The following BCKDHB variants were observed in gnomAD, a reference collection of about 807,000 sequenced individuals.
BCKDHB encodes the protein branched chain keto acid dehydrogenase E1 subunit beta.
In BCKDHB, 41 loss-of-function variants were observed where a neutral mutation model predicts 48.5. That is an observed-to-expected ratio of 0.85 (90% CI 0.66 to 1.10). BCKDHB has a LOEUF of 1.10. Ranked by LOEUF, BCKDHB falls within the 50% of genes least tolerant of loss-of-function variation. BCKDHB has a pLI of 0.00. For synonymous variants in BCKDHB, 201 were observed against 174.8 expected (o/e 1.15, Z -1.18); for missense variants, 496 against 494.2 (o/e 1.00, Z -0.03).
At chr6:80,401,028 A>G in the BCKDHB span, among the ~76,000 whole-genome samples, 1 of 147,130 alleles carries the variant, frequency 6.8e-6, no homozygotes, top group African/African-American at 2.7e-5. Flanking sequence ...ACATATAGAC[A>G]CAAAAAGGGA....
At chr6:80,261,807 CCTG>C (rs996478232) in intron 8 of BCKDHB, among the ~76,000 whole-genome samples, 11 of 152,098 alleles carry the variant, frequency 7.2e-5, no homozygotes, top group Admixed American at 6.6e-4. Context: ...TTCTTAGAGA[CCTG>C]CTTTTCTTTT....
the BCKDHB span, among the ~76,000 whole-genome samples, chr6:80,451,502 C>T: frequency 2.0e-5 from 3 of 152,196 alleles, no homozygotes; most frequent in Admixed American, 2.0e-4. Flanking sequence ...CTTTGGGAGG[C>T]CTAGGCGGGT....
At chr6:80,382,506 T>G in the BCKDHB span, among the ~76,000 whole-genome samples, 59 of 152,308 alleles carry the variant, frequency 3.9e-4, 1 homozygote, top group South Asian at 0.011. Context: ...ATCAGTTAGA[T>G]GTTCATTCCT....
At chr6:80,275,534 AT>A (rs1430186047) in intron 9 of BCKDHB, among the ~76,000 whole-genome samples, 1 of 152,048 alleles carries the variant, frequency 6.6e-6, no homozygotes, top group African/African-American at 2.4e-5. Context: ...TTTTTGCTTA[AT>A]TCAGATTTTA....
At chr6:80,225,836 A>C (rs1027030549) in intron 8 of BCKDHB, among the ~76,000 whole-genome samples, 1 of 152,314 alleles carries the variant, frequency 6.6e-6, no homozygotes, top group Non-Finnish European at 1.5e-5. Flanking sequence ...GTGCAATACA[A>C]CTAGATTGTT....
chr6:80,392,512 A>G, the BCKDHB span, among the ~76,000 whole-genome samples: 4 of 151,682 alleles, frequency 2.6e-5, no homozygotes, highest in Non-Finnish European at 5.9e-5. Context: ...TTTGTCCTCA[A>G]TAATATTGTT....
At chr6:80,436,437 A>C in the BCKDHB span, among the ~76,000 whole-genome samples, 2 of 151,816 alleles carry the variant, frequency 1.3e-5, no homozygotes, top group South Asian at 4.2e-4. Flanking sequence ...GCCCGGCCAA[A>C]ATTCTTATTT....
chr6:80,271,356 A>G (rs1276247929), intron 8 of BCKDHB, among the ~76,000 whole-genome samples: 1 of 152,142 alleles, frequency 6.6e-6, no homozygotes, highest in Non-Finnish European at 1.5e-5. Flanking sequence ...GAAGGGCTCC[A>G]AATTTTATCT....
chr6:80,273,336 T>C lies in BCKDHB; in HGVS notation c.1038+115T>C, dbSNP rs1777835194. 27 of 902,294 alleles carry C rather than the reference T, an allele frequency of 3.0e-5. 1 individual carries two copies. In the South Asian group the frequency reaches 3.8e-4, roughly 13 times the overall value. 55.9% of individuals were successfully genotyped at this position (902,294 alleles called of 1,614,324 possible). ...AAGCATACACTTTATGGAAATGTAG[T>C]GCATGCTTTCATATACTGTGATAAG... is the stretch of plus-strand genomic sequence containing the variant. On this transcript the variant is annotated intron_variant, in intron 9 of 9. Transcript: ENST00000320393.
chr6:80,451,594 C>T, the BCKDHB span, among the ~76,000 whole-genome samples: 3 of 151,970 alleles, frequency 2.0e-5, no homozygotes, highest in African/African-American at 7.2e-5. Context: ...AAAAATTAGT[C>T]GGGCATGGTG....
At chr6:80,290,966 C>G (rs1766878946) in intron 9 of BCKDHB, among the ~76,000 whole-genome samples, 2 of 152,126 alleles carry the variant, frequency 1.3e-5, no homozygotes, top group South Asian at 4.1e-4. Context: ...TCAGGATGAC[C>G]TGAGGTCACT....
chr6:80,360,603 A>T, the BCKDHB span, among the ~76,000 whole-genome samples: 1 of 152,206 alleles, frequency 6.6e-6, no homozygotes, highest in Non-Finnish European at 1.5e-5. Flanking sequence ...ATTAGAAGAA[A>T]TCGACTGGTA....
chr6:80,148,258 AG>A (rs1771582797), intron 3 of BCKDHB, among the ~76,000 whole-genome samples: 1 of 152,176 alleles, frequency 6.6e-6, no homozygotes, highest in South Asian at 2.1e-4. Context: ...TTTGCTTAAA[AG>A]TGGTCCTGAC....
intron 8 of BCKDHB, among the ~76,000 whole-genome samples, chr6:80,242,199 C>G (rs1030875121): frequency 3.3e-5 from 5 of 152,084 alleles, no homozygotes; most frequent in Non-Finnish European, 7.4e-5. Flanking sequence ...ACTTAGGTCT[C>G]TAGTCACCTT....
intron 9 of BCKDHB, among the ~76,000 whole-genome samples, chr6:80,288,050 C>G (rs985578609): frequency 4.6e-5 from 7 of 152,080 alleles, no homozygotes; most frequent in African/African-American, 1.7e-4. Flanking sequence ...AAATAATCCT[C>G]AGTAGTTCGA....
chr6:80,173,374 T>A (rs1773006354), intron 6 of BCKDHB, among the ~76,000 whole-genome samples: 1 of 152,122 alleles, frequency 6.6e-6, no homozygotes, highest in Non-Finnish European at 1.5e-5. Context: ...ATTGGCTCTT[T>A]CATAGCTAGA....
intron 3 of BCKDHB, among the ~76,000 whole-genome samples, chr6:80,159,363 G>A (rs1262778961): frequency 6.6e-6 from 1 of 151,942 alleles, no homozygotes; most frequent in Non-Finnish European, 1.5e-5. Flanking sequence ...AAATCAGTTA[G>A]CATCTAACAT....
At chr6:80,223,816 C>T (rs79001882) in intron 8 of BCKDHB, among the ~76,000 whole-genome samples, 5,424 of 152,150 alleles carry the variant, frequency 0.036, 309 homozygotes, top group African/African-American at 0.12. Context: ...TATGTCTCTC[C>T]GTGTGGTTAA....
chr6:80,122,720 A>T (rs1770096478), intron 1 of BCKDHB, among the ~76,000 whole-genome samples: 1 of 152,190 alleles, frequency 6.6e-6, no homozygotes, highest in Non-Finnish European at 1.5e-5. Context: ...ACAGGACAAA[A>T]GGCAAAACAG....
Sources: allele counts gnomAD v4.1 joint callset (sites outside exome capture counted in the v4.1 genomes callset), GRCh38; gene constraint gnomAD v4.1.1; transcripts MANE v1.5; gene names NCBI Gene and HGNC (gene_info 2026-07-23, HGNC 2026-07-21).